The following RYR2 variants were observed in gnomAD, a reference collection of about 807,000 sequenced individuals.
RYR2 encodes the protein cardiac muscle ryanodine receptor-calcium release channel.
In RYR2, 227 loss-of-function variants were observed where a neutral mutation model predicts 601.1. The observed-to-expected ratio is 0.38, with a 90% CI of 0.34 to 0.42. RYR2 has a LOEUF of 0.42. Among genes scored for constraint, RYR2 ranks in the 10% least tolerant of loss-of-function variants. The probability of loss-of-function intolerance (pLI) is 1.00; values close to 1 mark genes in which losing one functional copy is unlikely to be tolerated. For missense variants in RYR2, 4,646 were observed against 6,156.5 expected (o/e 0.75, Z 8.21); for synonymous variants, 2,223 against 2,175.1 (o/e 1.02, Z -0.61).
chr1:237,162,945 C>T (rs1197008089), intron 1 of RYR2, among the ~76,000 whole-genome samples: 1 of 152,100 alleles, frequency 6.6e-6, no homozygotes, highest in Non-Finnish European at 1.5e-5. Flanking sequence ...GAGGCTTCAT[C>T]TCTACAACTG....
intron 1 of RYR2, among the ~76,000 whole-genome samples, chr1:237,053,088 C>T (rs1661488475): frequency 6.6e-6 from 1 of 152,086 alleles, no homozygotes; most frequent in African/African-American, 2.4e-5. Context: ...ACCTCATGGT[C>T]CGCCCACCTC....
At position 237,643,408 on chromosome 1, in the gene RYR2, G is replaced by C. The variant is rs188835713; in HGVS notation, c.7303G>C (p.Val2435Leu). Residue 2435 changes from valine to leucine, a missense_variant, in exon 48 of 105, where the codon GTT (valine) becomes CTT (leucine). This residue lies in a region of RYR2 where 1,497 missense variants were observed against 1,842.6 expected (regional missense o/e 0.81). Coordinates refer to ENST00000366574, the MANE Select transcript of RYR2 (RefSeq NM_001035.3). ...CATTCCCCTGGGAGATTTGGTGGGC[G>C]TTATCAGCATCGCTTTTCAGATGCC... ...SLIPLGDLVGVISIAFQMPTI... is the reference protein window; with the variant it reads ...SLIPLGDLVGLISIAFQMPTI... 2.5e-6 allele frequency: 4 copies of C among 1,613,684 alleles called. No individual in the cohort carries two copies. The highest frequency in any genetic ancestry group is 1.3e-5 in the African/African-American group (1 of 74,872).
chr1:237,133,287 A>G (rs1000000301), intron 1 of RYR2, among the ~76,000 whole-genome samples: 1 of 152,192 alleles, frequency 6.6e-6, no homozygotes, highest in Non-Finnish European at 1.5e-5. Flanking sequence ...CTGGGAAAGA[A>G]CAAATCAAGA....
chr1:237,569,118 C>A lies in RYR2; in HGVS notation c.3424-27C>A, dbSNP rs769795846. The A allele has an allele frequency of 2.5e-6, 4 of 1,591,376 alleles. No homozygotes were observed. The African/African-American group carries it at 4.0e-5, about 16-fold the overall frequency. ...GCGATTTTCCTGGCTTAGTCTGTGA[C>A]AAGGGACTTTTCTGTCCTCTGTATA... On this transcript the variant is annotated intron_variant, in intron 28 of 104. Coordinates refer to ENST00000366574, the MANE Select transcript of RYR2 (RefSeq NM_001035.3).
intron 41 of RYR2, among the ~76,000 whole-genome samples, chr1:237,628,533 C>T (rs1679920971): frequency 6.6e-6 from 1 of 151,880 alleles, no homozygotes. Context: ...ATCCATGTCC[C>T]TACAAAGGAC....
chr1:237,378,450 A>G (rs774458843), intron 8 of RYR2, among the ~76,000 whole-genome samples: 28 of 152,224 alleles, frequency 1.8e-4, no homozygotes, highest in Non-Finnish European at 3.7e-4. Flanking sequence ...ATGCTAGAGC[A>G]AAATATTCAT....
At chr1:237,762,044 A>T (rs986751600) in intron 84 of RYR2, among the ~76,000 whole-genome samples, 8 of 152,222 alleles carry the variant, frequency 5.3e-5, no homozygotes, top group Admixed American at 1.3e-4. Flanking sequence ...AAAGTTTATT[A>T]TTAATACCCA....
chr1:237,655,918 T>A lies in RYR2; in HGVS notation c.8063T>A (p.Met2688Lys), dbSNP rs1257768473. The change falls in exon 53 of 105, where the codon ATG becomes AAG. Residue 2688 changes from methionine to lysine, a missense_variant. Met to Lys is a moderately conservative substitution (Grantham distance 95). Coordinates refer to ENST00000366574, the MANE Select transcript of RYR2 (RefSeq NM_001035.3). ...TACATGGAGTCAAATTATGTCAGTA[T>A]GATGGAAAAACAGTCATCAATGGAT... Reference protein sequence around the residue: ...PDYMESNYVSMMEKQSSMDSE... With the variant: ...PDYMESNYVSKMEKQSSMDSE... 6 of 1,613,060 alleles carry A rather than the reference T, an allele frequency of 3.7e-6. No homozygotes were observed. The highest frequency in any genetic ancestry group is 5.1e-6 in the Non-Finnish European group (6 of 1,179,508).
intron 80 of RYR2, among the ~76,000 whole-genome samples, chr1:237,752,032 G>C (rs569643569): frequency 6.6e-6 from 1 of 152,076 alleles, no homozygotes; most frequent in Non-Finnish European, 1.5e-5. Context: ...CAAACTATAG[G>C]ATATCACATC....
In RYR2 at chr1:237,795,871, T is replaced by TACACAC. The variant is rs1328701935; in HGVS notation, c.13956+541_13956+542insCACACA. Among the ~76,000 whole-genome samples the TACACAC allele has an allele frequency of 3.4e-5, 5 of 145,076 alleles. 1 individual carries two copies. Among genetic ancestry groups the TACACAC allele is most frequent in the African/African-American group, 1.3e-4 (5 of 38,976 alleles). On this transcript the variant is annotated intron_variant, in intron 96 of 104. Transcript: ENST00000366574. ...ATATGTATATGTATATATATATATA[T>TACACAC]ATACACATATATATATACACACATA...
At chr1:237,185,303 A>T (rs1679228248) in intron 1 of RYR2, among the ~76,000 whole-genome samples, 2 of 152,160 alleles carry the variant, frequency 1.3e-5, no homozygotes, top group Non-Finnish European at 2.9e-5. Context: ...GGCTACATAG[A>T]GGCCCTTTAT....
intron 1 of RYR2, among the ~76,000 whole-genome samples, chr1:237,129,211 C>G (rs1385130546): frequency 2.6e-5 from 4 of 152,182 alleles, no homozygotes; most frequent in Non-Finnish European, 1.5e-5. Flanking sequence ...GCCATTGTCC[C>G]TTTTCTATTT....
chr1:237,706,966 A>G lies in RYR2; in HGVS notation c.9598A>G (p.Asn3200Asp), dbSNP rs769276954. 1.2e-6 allele frequency: 2 copies of G among 1,612,290 alleles called. No homozygotes were observed. Among genetic ancestry groups the G allele is most frequent in the South Asian group, 1.1e-5 (1 of 91,024 alleles). The change falls in exon 68 of 105, where the codon AAT (asparagine) becomes GAT (aspartate). Residue 3200 changes from asparagine (N) to aspartate (D), a missense_variant. Coordinates refer to ENST00000366574, the MANE Select transcript of RYR2 (RefSeq NM_001035.3). ...RERAALSLPT[N>D]VEDVCPNIPS... ...TTCTCCAGCTCTCAGTTTGCCAACT[A>G]ATGTGGAAGATGTTTGTCCAAACAT...
At chr1:237,274,258 T>C (rs2149359255) in intron 2 of RYR2, among the ~76,000 whole-genome samples, 1 of 151,536 alleles carries the variant, frequency 6.6e-6, no homozygotes, top group South Asian at 2.1e-4. Flanking sequence ...CACAGCTGTA[T>C]GCCACATACC....
chr1:237,790,980 A>T (rs1003186901), intron 92 of RYR2, among the ~76,000 whole-genome samples: 9 of 149,060 alleles, frequency 6.0e-5, no homozygotes, highest in Non-Finnish European at 4.4e-5. Context: ...CACCAACATC[A>T]CTCCTAACTC....
intron 1 of RYR2, among the ~76,000 whole-genome samples, chr1:237,133,689 C>T (rs955030466): frequency 1.3e-5 from 2 of 151,886 alleles, no homozygotes; most frequent in Non-Finnish European, 2.9e-5. Flanking sequence ...TGGCTCACAC[C>T]CGCTGACGCG....
At chr1:237,331,071 T>C in intron 3 of RYR2, 89 bp downstream of exon 3, 1 of 1,121,068 alleles carries the variant, frequency 8.9e-7, no homozygotes, top group Non-Finnish European at 1.4e-6. Context: ...AGAGATTTTC[T>C]TTTTGCTAAA....
intron 58 of RYR2, among the ~76,000 whole-genome samples, chr1:237,668,926 G>GTC (rs1684569573): frequency 6.6e-6 from 1 of 151,576 alleles, no homozygotes; most frequent in Admixed American, 6.6e-5. Context: ...TCTCGCAGAG[G>GTC]GGGATTTGGC....
chr1:237,217,093 C>T (rs1683275023), intron 1 of RYR2, among the ~76,000 whole-genome samples: 2 of 152,130 alleles, frequency 1.3e-5, no homozygotes, highest in African/African-American at 4.8e-5. Flanking sequence ...CTATTTGTAT[C>T]CTTGCCCAAG....
Sources: gnomAD v4.1 joint callset for allele counts (sites outside exome capture counted in the v4.1 genomes callset) on GRCh38, gnomAD v4.1.1 for gene constraint, gnomAD v4.1.1 regional missense constraint, MANE v1.5 for transcripts, NCBI Gene and HGNC (gene_info 2026-07-23, HGNC 2026-07-21) for gene names.